SLC24A3: variants seen among roughly 807,000 people sequenced by gnomAD.
SLC24A3 encodes the protein sodium/potassium/calcium exchanger 3.
SLC24A3 carries 28 observed loss-of-function variants against 75.8 expected under a neutral mutation model. The ratio of observed to expected loss-of-function variants is 0.37; its 90% confidence interval spans 0.27 to 0.51. The LOEUF (loss-of-function observed/expected upper bound fraction) is 0.51, where lower values mean the gene tolerates loss of function less well. SLC24A3 is among the 20% of genes least tolerant of loss of function. SLC24A3 has a pLI of 0.94. For missense variants in SLC24A3, 663 were observed against 847.8 expected (o/e 0.78, Z 2.71); for synonymous variants, 372 against 334.1 (o/e 1.11, Z -1.24).
intron 3 of SLC24A3, among the ~76,000 whole-genome samples, chr20:19,554,243 G>T (rs1179032323): frequency 6.6e-6 from 1 of 152,174 alleles, no homozygotes; most frequent in Non-Finnish European, 1.5e-5. Context: ...ATTCCATAGT[G>T]AATGATAATA....
intron 2 of SLC24A3, among the ~76,000 whole-genome samples, chr20:19,379,629 G>A (rs1383754272): frequency 6.6e-6 from 1 of 152,042 alleles, no homozygotes; most frequent in African/African-American, 2.4e-5. Flanking sequence ...AATTAGTCAG[G>A]GGTTGGCAGA....
chr20:19,221,128 G>C (rs1314173407), intron 1 of SLC24A3, among the ~76,000 whole-genome samples: 1 of 152,164 alleles, frequency 6.6e-6, no homozygotes, highest in Non-Finnish European at 1.5e-5. Flanking sequence ...CATGAACATA[G>C]CTCACTGCAG....
chr20:19,432,272 TTA>T (rs3057540), intron 2 of SLC24A3, among the ~76,000 whole-genome samples: 59,137 of 145,094 alleles, frequency 0.41, 12,428 homozygotes, highest in East Asian at 0.78. Flanking sequence ...TATATCTGTT[TTA>T]TATATATATA....
At chr20:19,568,509 A>G (rs1252500142) in intron 3 of SLC24A3, among the ~76,000 whole-genome samples, 3 of 152,198 alleles carry the variant, frequency 2.0e-5, no homozygotes, top group African/African-American at 4.8e-5. Context: ...AGCCTGTCCC[A>G]AAAGAGGAAA....
intron 3 of SLC24A3, among the ~76,000 whole-genome samples, chr20:19,551,691 C>A (rs139525749): frequency 2.6e-5 from 4 of 152,132 alleles, no homozygotes; most frequent in Non-Finnish European, 5.9e-5. Context: ...CCATGCTCCT[C>A]GGCTCCTGCT....
chr20:19,325,816 AGAGAGAGAGAGAGAGAGAGAGAGG>A lies in SLC24A3; in HGVS notation c.271+44734_271+44757del, dbSNP rs1363802545. ...TATATAGAGAGAGAGAGAGAGAGAG[AGAGAGAGAGAGAGAGAGAGAGAGG>A]GAGACATCTGGAGGAGGGGGACCCA... On this transcript the variant is annotated intron_variant, in intron 2 of 16. Coordinates refer to ENST00000328041, the MANE Select transcript of SLC24A3 (RefSeq NM_020689.4). Among the ~76,000 whole-genome samples the A allele has an allele frequency of 8.0e-3, 928 of 116,232 alleles. 28 individuals carry two copies. The highest frequency in any genetic ancestry group is 0.03 in the African/African-American group (820 of 27,152). 76.3% of individuals were successfully genotyped at this position (116,232 alleles called of 152,430 possible).
At chr20:19,472,862 C>G (rs1205770096) in intron 2 of SLC24A3, among the ~76,000 whole-genome samples, 3 of 152,208 alleles carry the variant, frequency 2.0e-5, no homozygotes, top group Non-Finnish European at 4.4e-5. Context: ...TCCTGGGCCC[C>G]TAGCAGGGTT....
intron 9 of SLC24A3, among the ~76,000 whole-genome samples, chr20:19,679,489 C>T (rs1024288945): frequency 9.8e-5 from 13 of 132,906 alleles, no homozygotes; most frequent in Admixed American, 5.5e-4. Flanking sequence ...AGAGGGAGAC[C>T]GTGGAAAGAG....
At chr20:19,371,538 T>C (rs1985992839) in intron 2 of SLC24A3, among the ~76,000 whole-genome samples, 1 of 152,194 alleles carries the variant, frequency 6.6e-6, no homozygotes, top group Non-Finnish European at 1.5e-5. Flanking sequence ...GTTTTCTAGC[T>C]AGTTCCTGAA....
intron 1 of SLC24A3, among the ~76,000 whole-genome samples, chr20:19,228,506 G>A (rs548489379): frequency 4.6e-5 from 7 of 152,176 alleles, no homozygotes; most frequent in African/African-American, 1.4e-4. Context: ...GGGCGTGGGC[G>A]TGGTGGTGGG....
At chr20:19,231,966 G>A (rs1427914134) in intron 1 of SLC24A3, among the ~76,000 whole-genome samples, 2 of 152,208 alleles carry the variant, frequency 1.3e-5, no homozygotes, top group Non-Finnish European at 2.9e-5. Flanking sequence ...CAGAAACTTG[G>A]TTTGGTGCAT....
intron 13 of SLC24A3, 37 bp from the exon 14 acceptor site, chr20:19,696,760 T>A: frequency 6.9e-7 from 1 of 1,453,272 alleles, no homozygotes; most frequent in South Asian, 1.1e-5. Flanking sequence ...GGGCTTGAGG[T>A]GACCCTCAGC....
intron 1 of SLC24A3, among the ~76,000 whole-genome samples, chr20:19,218,108 C>A (rs1215010632): frequency 2.6e-5 from 4 of 152,084 alleles, no homozygotes; most frequent in African/African-American, 9.7e-5. Context: ...AATATAGAGG[C>A]AAATATAAAA....
At chr20:19,705,604 C>A (rs984150338) in intron 15 of SLC24A3, among the ~76,000 whole-genome samples, 1 of 152,080 alleles carries the variant, frequency 6.6e-6, no homozygotes, top group Non-Finnish European at 1.5e-5. Context: ...TGGTAGTGAC[C>A]GCATGACATC....
At chr20:19,418,994 T>A (rs73288760) in intron 2 of SLC24A3, among the ~76,000 whole-genome samples, 1 of 152,314 alleles carries the variant, frequency 6.6e-6, no homozygotes, top group African/African-American at 2.4e-5. Context: ...ATTGGCCACC[T>A]TTGGAAGATG....
intron 8 of SLC24A3, among the ~76,000 whole-genome samples, chr20:19,670,891 G>A (rs1348440697): frequency 2.0e-5 from 3 of 152,170 alleles, no homozygotes; most frequent in East Asian, 1.9e-4. Context: ...GGGGGTGTCT[G>A]CGTGGGGAGA....
At chr20:19,590,594 G>A (rs2031361287) in intron 6 of SLC24A3, among the ~76,000 whole-genome samples, 1 of 152,196 alleles carries the variant, frequency 6.6e-6, no homozygotes, top group Admixed American at 6.5e-5. Flanking sequence ...GTGGCAGAAG[G>A]CCTCATCCAG....
At chr20:19,667,555 C>A (rs1428269816) in intron 8 of SLC24A3, among the ~76,000 whole-genome samples, 3 of 152,186 alleles carry the variant, frequency 2.0e-5, no homozygotes, top group Non-Finnish European at 4.4e-5. Context: ...CCCCAAAAGA[C>A]AAACAAGTTG....
chr20:19,707,122 C>T (rs896320523), intron 15 of SLC24A3, among the ~76,000 whole-genome samples: 9 of 152,132 alleles, frequency 5.9e-5, no homozygotes, highest in African/African-American at 1.9e-4. Flanking sequence ...AGAAGACGCA[C>T]CCAGCTTCGG....
Sources: allele counts gnomAD v4.1 joint callset (sites outside exome capture counted in the v4.1 genomes callset), GRCh38; gene constraint gnomAD v4.1.1; transcripts MANE v1.5; gene names NCBI Gene and HGNC (gene_info 2026-07-23, HGNC 2026-07-21).